SLC18A3: variants seen among roughly 807,000 people sequenced by gnomAD.
SLC18A3 encodes the protein vesicular acetylcholine transporter.
A neutral mutation model predicts 24.2 loss-of-function variants in SLC18A3; 18 were observed. The observed-to-expected ratio is 0.74, with a 90% CI of 0.51 to 1.10. SLC18A3 has a LOEUF of 1.10. SLC18A3 is among the 50% of genes least tolerant of loss of function. The pLI is 0.00. For synonymous variants in SLC18A3, 415 were observed against 355.4 expected (o/e 1.17, Z -1.89); for missense variants, 744 against 750.7 (o/e 0.99, Z 0.10).
Position 49,610,517 on chromosome 10 carries a change from C to G in SLC18A3, c.-224C>G, listed in dbSNP as rs1171795833. On this transcript the variant is annotated 5_prime_UTR_variant, in exon 1 of 1. Transcript: ENST00000374115. ...TCCCGGCCGCCCCTGAGCCCAGCAG[C>G]CGCGGGTCCCGGGATCGGCTAAGAG... The G allele has an allele frequency of 8.9e-6, 4 of 449,532 alleles. No homozygotes were observed. Among genetic ancestry groups the G allele is most frequent in the African/African-American group, 2.0e-5 (1 of 48,884 alleles). 27.8% of individuals were successfully genotyped at this position (449,532 alleles called of 1,614,324 possible). A position where few individuals can be genotyped will look rare whatever the true frequency, so the allele number is the denominator to read the frequency against.
rs1838255704 is a variant in SLC18A3, at chr10:49,610,335, C to G, written c.-406C>G. On this transcript the variant is annotated 5_prime_UTR_variant, in exon 1 of 1. Transcript: ENST00000374115. ...AAGAGCCGACGCGAGGGGAGGGGAG[C>G]GCAGCGGCGGGGCTAACGGGCGGGC... is the stretch of plus-strand genomic sequence containing the variant. 2 of 185,722 alleles carry G rather than the reference C, an allele frequency of 1.1e-5. No individual in the cohort carries two copies. Among genetic ancestry groups the G allele is most frequent in the South Asian group, 1.9e-4 (1 of 5,194 alleles). The allele number at this position is 185,722 out of a possible 1,614,324, so 11.5% of individuals were successfully genotyped here. A position where few individuals can be genotyped will look rare whatever the true frequency, so the allele number is the denominator to read the frequency against.
At position 49,610,403 on chromosome 10, in the gene SLC18A3, C is replaced by A; in HGVS notation, c.-338C>A. The A allele has an allele frequency of 3.6e-6, 1 of 278,000 alleles. No individual in the cohort carries two copies. Among genetic ancestry groups the A allele is most frequent in the Non-Finnish European group, 6.7e-6 (1 of 148,686 alleles). 17.2% of individuals were successfully genotyped at this position (278,000 alleles called of 1,614,324 possible). ...CAGCATGTCCCTCGGCCAGCGCGGGCGGCCTCTTAGCGCGGCGGGGGCTGC... is the reference window on the plus strand; with the variant it reads ...CAGCATGTCCCTCGGCCAGCGCGGGAGGCCTCTTAGCGCGGCGGGGGCTGC... On this transcript the variant is annotated 5_prime_UTR_variant, in exon 1 of 1. Coordinates refer to ENST00000374115, the MANE Select transcript of SLC18A3 (RefSeq NM_003055.3).
In SLC18A3 at chr10:49,612,224, A is replaced by G. The variant is rs757804116; in HGVS notation, c.1484A>G (p.Asp495Gly). 1.2e-6 allele frequency: 2 copies of G among 1,609,266 alleles called. No homozygotes were observed. Among genetic ancestry groups the G allele is most frequent in the South Asian group, 2.2e-5 (2 of 91,084 alleles). The change falls in exon 1 of 1, where the codon GAT (aspartate) becomes GGT (glycine). Residue 495 changes from aspartate (D) to glycine (G), a missense_variant. Asp to Gly is a moderately conservative substitution (Grantham distance 94, BLOSUM62 -1). Around this residue, in one of 3 missense-constraint regions of SLC18A3, gnomAD observed 160 missense variants for 140.9 expected, o/e 1.14. Coordinates refer to ENST00000374115, the MANE Select transcript of SLC18A3 (RefSeq NM_003055.3). The stretch of plus-strand genomic sequence containing the variant: ...GATGAGCCACCGCAAGGTCTGTACG[A>G]TGCGGTGCGCCTGCGTGAGCGTCCT... ...LLDEPPQGLY[D>G]AVRLRERPVS... is the part of the protein sequence containing the mutation.
At position 49,611,208 on chromosome 10, in the gene SLC18A3, G is replaced by T; in HGVS notation, c.468G>T (p.Leu156=). The change falls in exon 1 of 1, where the codon CTG becomes CTT. Residue 156 remains leucine (L), a synonymous_variant. Transcript: ENST00000374115. ...IDRMSYDVPL[L]IGLGVMFAST... Reference sequence around the variant, plus strand: ...GCATGAGCTACGACGTGCCGCTGCTGATCGGCCTGGGCGTCATGTTCGCCT... The same window carrying T: ...GCATGAGCTACGACGTGCCGCTGCTTATCGGCCTGGGCGTCATGTTCGCCT... 2 of 1,614,078 alleles carry T rather than the reference G, an allele frequency of 1.2e-6. No individual in the cohort carries two copies. Among genetic ancestry groups the T allele is most frequent in the Non-Finnish European group, 1.7e-6 (2 of 1,180,006 alleles).
In SLC18A3 at chr10:49,611,127, T is replaced by C. The variant is rs750454630; in HGVS notation, c.387T>C (p.Ala129=). 1.2e-6 allele frequency: 2 copies of C among 1,614,134 alleles called. No homozygotes were observed. The highest frequency in any genetic ancestry group is 1.1e-5 in the South Asian group (1 of 91,082). ...ACGTGAAGATCGGGGTGCTGTTTGCTTCCAAGGCTATCCTGCAGCTGCTAG... is the reference window on the plus strand; with the variant it reads ...ACGTGAAGATCGGGGTGCTGTTTGCCTCCAAGGCTATCCTGCAGCTGCTAG... ...SEDVKIGVLF[A]SKAILQLLVN... The change falls in exon 1 of 1, where the codon GCT becomes GCC. Residue 129 remains alanine (A), a synonymous_variant. Coordinates refer to ENST00000374115, the MANE Select transcript of SLC18A3 (RefSeq NM_003055.3).
Position 49,610,584 on chromosome 10 carries a change from G to A in SLC18A3, c.-157G>A, listed in dbSNP as rs1838262558. 3.1e-6 allele frequency: 2 copies of A among 637,946 alleles called. No individual in the cohort carries two copies. The highest frequency in any genetic ancestry group is 4.9e-6 in the Non-Finnish European group (2 of 409,256). The allele number at this position is 637,946 out of a possible 1,614,324, so 39.5% of individuals were successfully genotyped here. On this transcript the variant is annotated 5_prime_UTR_variant, in exon 1 of 1. Transcript: ENST00000374115. ...CCGGACGGAGTCCTTTCCTTTCCCGGGACGCTGGGCCATGAGCTCCGCGGC... is the reference window on the plus strand; with the variant it reads ...CCGGACGGAGTCCTTTCCTTTCCCGAGACGCTGGGCCATGAGCTCCGCGGC...
chr10:49,610,751 C>T lies in SLC18A3; in HGVS notation c.11C>T (p.Ala4Val). Residue 4 changes from alanine to valine, a missense_variant, in exon 1 of 1, where the codon GCG becomes GTG. Transcript: ENST00000374115. ...CATCGGGGTGGGGGCATGGAATCCGCGGAACCTGCGGGCCAGGCCCGGGCG... is the reference window on the plus strand; with the variant it reads ...CATCGGGGTGGGGGCATGGAATCCGTGGAACCTGCGGGCCAGGCCCGGGCG... Reference protein sequence around the residue: MESAEPAGQARAAA... With the variant: MESVEPAGQARAAA... 1.3e-6 allele frequency: 2 copies of T among 1,525,100 alleles called. No individual in the cohort carries two copies. Among genetic ancestry groups the T allele is most frequent in the East Asian group, 2.4e-5 (1 of 42,414 alleles). The allele number at this position is 1,525,100 out of a possible 1,614,324, so 94.5% of individuals were successfully genotyped here. A position where few individuals can be genotyped will look rare whatever the true frequency, so the allele number is the denominator to read the frequency against.
At position 49,612,072 on chromosome 10, in the gene SLC18A3, C is replaced by G. The variant is rs760513434; in HGVS notation, c.1332C>G (p.His444Gln). ...CCATAGTGGCAGGCCACATTGTGCA[C>G]TCGCTGGGCTTTGAGCAGCTCAGCC... ...LGPIVAGHIV[H>Q]SLGFEQLSLG... Residue 444 changes from histidine (H) to glutamine (Q), a missense_variant, in exon 1 of 1, where the codon CAC becomes CAG. Coordinates refer to ENST00000374115, the MANE Select transcript of SLC18A3 (RefSeq NM_003055.3). The G allele has an allele frequency of 1.9e-6, 3 of 1,613,508 alleles. No individual in the cohort carries two copies. In the Admixed American group the frequency reaches 5.0e-5, roughly 27 times the overall value.
rs769023740 is a variant in SLC18A3, at chr10:49,611,315, C to T, written c.575C>T (p.Ala192Val). 4 of 1,605,826 alleles carry T rather than the reference C, an allele frequency of 2.5e-6. No homozygotes were observed. The highest frequency in any genetic ancestry group is 3.3e-5 in the Admixed American group (2 of 60,020). ...RSLQGLGSAF[A>V]DTSGIAMIAD... ...CTGCAGGGCCTGGGCTCAGCCTTCGCCGACACGTCTGGCATAGCCATGATC... is the reference window on the plus strand; with the variant it reads ...CTGCAGGGCCTGGGCTCAGCCTTCGTCGACACGTCTGGCATAGCCATGATC... Residue 192 changes from alanine to valine, a missense_variant, in exon 1 of 1, where the codon GCC (alanine) becomes GTC (valine). By Grantham distance (64) the Ala-to-Val change is moderately conservative. This residue lies in a region of SLC18A3 where 566 missense variants were observed against 566.2 expected (regional missense o/e 1.00). Transcript: ENST00000374115.
chr10:49,611,892 G>C lies in SLC18A3; in HGVS notation c.1152G>C (p.Val384=), dbSNP rs1838308269. 1 of 1,610,922 alleles carries C rather than the reference G, an allele frequency of 6.2e-7. No homozygotes were observed. Among genetic ancestry groups the C allele is most frequent in the African/African-American group, 1.3e-5 (1 of 74,946 alleles). ...VPACRSFAPL[V]VSLCGLCFGI... is the part of the protein sequence containing the mutation. ...CCTGCCGCTCCTTCGCGCCGCTAGT[G>C]GTCTCACTATGCGGCCTCTGTTTTG... Residue 384 remains valine (V), a synonymous_variant, in exon 1 of 1, where the codon GTG becomes GTC. Coordinates refer to ENST00000374115, the MANE Select transcript of SLC18A3 (RefSeq NM_003055.3).
At position 49,610,479 on chromosome 10, in the gene SLC18A3, G is replaced by C. The variant is rs1838260044; in HGVS notation, c.-262G>C. The C allele has an allele frequency of 2.5e-6, 1 of 396,876 alleles. No homozygotes were observed. 24.6% of individuals were successfully genotyped at this position (396,876 alleles called of 1,614,324 possible). ...GCCCAGTCTCCGGCCCCGGCCCCTCGGCGCGCCCGACTTCCCGGCCGCCCC... is the reference window on the plus strand; with the variant it reads ...GCCCAGTCTCCGGCCCCGGCCCCTCCGCGCGCCCGACTTCCCGGCCGCCCC... On this transcript the variant is annotated 5_prime_UTR_variant, in exon 1 of 1. Transcript: ENST00000374115.
chr10:49,611,975 G>A lies in SLC18A3; in HGVS notation c.1235G>A (p.Arg412His), dbSNP rs766544544. The change falls in exon 1 of 1, where the codon CGC (arginine) becomes CAC (histidine). Residue 412 changes from arginine to histidine, a missense_variant. This residue lies in a region of SLC18A3 where 18 missense variants were observed against 43.6 expected (regional missense o/e 0.41). Coordinates refer to ENST00000374115, the MANE Select transcript of SLC18A3 (RefSeq NM_003055.3). Reference protein sequence around the residue: ...LPTLAFLVDVRHVSVYGSVYA... With the variant: ...LPTLAFLVDVHHVSVYGSVYA... ...ACGCTCGCCTTCCTGGTGGACGTGC[G>A]CCATGTCTCAGTCTATGGCAGCGTC... 2 of 1,613,242 alleles carry A rather than the reference G, an allele frequency of 1.2e-6. No individual in the cohort carries two copies. Among genetic ancestry groups the A allele is most frequent in the Admixed American group, 1.7e-5 (1 of 60,016 alleles).
In SLC18A3 at chr10:49,611,026, A is replaced by T; in HGVS notation, c.286A>T (p.Asn96Tyr). ...GGCCAATGCCAGCGCCTACACGGCC[A>T]ACACCTCGGCGTCCCCGACAGCTGC... ...TPANASAYTA[N>Y]TSASPTAAWP... The change falls in exon 1 of 1, where the codon AAC (asparagine) becomes TAC (tyrosine). Residue 96 changes from asparagine to tyrosine, a missense_variant. Transcript: ENST00000374115. The T allele has an allele frequency of 6.2e-7, 1 of 1,613,868 alleles. No homozygotes were observed. The highest frequency in any genetic ancestry group is 8.5e-7 in the Non-Finnish European group (1 of 1,179,902).
Position 49,611,741 on chromosome 10 carries a change from CCTTCGTGCCT to C in SLC18A3, c.1003_1012del (p.Phe335MetfsTer29). 6.2e-7 allele frequency: 1 copy of C among 1,604,796 alleles called. No homozygotes were observed. The highest frequency in any genetic ancestry group is 1.1e-5 in the South Asian group (1 of 91,092). On this transcript the variant is annotated frameshift_variant, in exon 1 of 1. Transcript: ENST00000374115. LOFTEE classifies it high-confidence loss of function. Reference sequence around the variant, plus strand: ...GAGATGGGCATGGCCTGGCTGCCGGCCTTCGTGCCTCATGTGCTGGGCGTCTACCTCACCG... The same window carrying C: ...GAGATGGGCATGGCCTGGCTGCCGGCCATGTGCTGGGCGTCTACCTCACCG...
Position 49,612,228 on chromosome 10 carries a change from G to A in SLC18A3, c.1488G>A (p.Ala496=), listed in dbSNP as rs368027068. 15 of 1,609,346 alleles carry A rather than the reference G, an allele frequency of 9.3e-6. 1 individual carries two copies. Among genetic ancestry groups the A allele is most frequent in the African/African-American group, 5.3e-5 (4 of 75,056 alleles). Residue 496 remains alanine, a synonymous_variant, in exon 1 of 1, where the codon GCG becomes GCA. Coordinates refer to ENST00000374115, the MANE Select transcript of SLC18A3 (RefSeq NM_003055.3). ...LDEPPQGLYD[A]VRLRERPVSG... ...AGCCACCGCAAGGTCTGTACGATGC[G>A]GTGCGCCTGCGTGAGCGTCCTGTGT...
Position 49,610,969 on chromosome 10 carries a change from G to T in SLC18A3, c.229G>T (p.Val77Leu). ...CGAGGGCCCCACCCGGACTCCCGAG[G>T]TGTGGGAGCCCACCCTGCCGCTGCC... ...GGEGPTRTPE[V>L]WEPTLPLPTP... The change falls in exon 1 of 1, where the codon GTG (valine) becomes TTG (leucine). Residue 77 changes from valine to leucine, a missense_variant. Transcript: ENST00000374115. 26 of 1,611,462 alleles carry T rather than the reference G, an allele frequency of 1.6e-5. No individual in the cohort carries two copies. The highest frequency in any genetic ancestry group is 2.1e-5 in the Non-Finnish European group (25 of 1,178,484).
Position 49,610,765 on chromosome 10 carries a change from C to G in SLC18A3, c.25C>G (p.Gln9Glu), listed in dbSNP as rs1272333728. 6.4e-7 allele frequency: 1 copy of G among 1,550,758 alleles called. No individual in the cohort carries two copies. The highest frequency in any genetic ancestry group is 8.7e-7 in the Non-Finnish European group (1 of 1,150,506). The change falls in exon 1 of 1, where the codon CAG becomes GAG. Residue 9 changes from glutamine (Q) to glutamate (E), a missense_variant. By Grantham distance (29) the Gln-to-Glu change is conservative. Transcript: ENST00000374115. MESAEPAG[Q>E]ARAAATKLSE... is the part of the protein sequence containing the mutation. ...CATGGAATCCGCGGAACCTGCGGGC[C>G]AGGCCCGGGCGGCGGCCACCAAGCT...
In SLC18A3 at chr10:49,610,478, C is replaced by A; in HGVS notation, c.-263C>A. ...CGCCCAGTCTCCGGCCCCGGCCCCTCGGCGCGCCCGACTTCCCGGCCGCCC... is the reference window on the plus strand; with the variant it reads ...CGCCCAGTCTCCGGCCCCGGCCCCTAGGCGCGCCCGACTTCCCGGCCGCCC... On this transcript the variant is annotated 5_prime_UTR_variant, in exon 1 of 1. Coordinates refer to ENST00000374115, the MANE Select transcript of SLC18A3 (RefSeq NM_003055.3). 5.0e-6 allele frequency: 2 copies of A among 398,490 alleles called. No individual in the cohort carries two copies. The highest frequency in any genetic ancestry group is 1.2e-4 in the South Asian group (1 of 8,470). 24.7% of individuals were successfully genotyped at this position (398,490 alleles called of 1,614,324 possible).
rs2132685021 is a variant in SLC18A3 at position 49,610,641 on chromosome 10, G to C, written c.-100G>C. The C allele has an allele frequency of 2.4e-6, 3 of 1,268,368 alleles. No homozygotes were observed. The East Asian group carries it at 8.3e-5, about 35-fold the overall frequency. 78.6% of individuals were successfully genotyped at this position (1,268,368 alleles called of 1,614,324 possible). On this transcript the variant is annotated 5_prime_UTR_variant, in exon 1 of 1. Transcript: ENST00000374115. Reference sequence around the variant, plus strand: ...AGGCACAGGGGAGTCTGCTCGGCCAGGACAGCCTCCCCGAAGTCCCGTGCC... The same window carrying C: ...AGGCACAGGGGAGTCTGCTCGGCCACGACAGCCTCCCCGAAGTCCCGTGCC...
Sources: gnomAD v4.1 joint callset for allele counts on GRCh38, gnomAD v4.1.1 for gene constraint, gnomAD v4.1.1 regional missense constraint, MANE v1.5 for transcripts, NCBI Gene and HGNC (gene_info 2026-07-23, HGNC 2026-07-21) for gene names.